SLC9A3: variants seen among roughly 807,000 people sequenced by gnomAD.
SLC9A3 encodes the protein sodium/hydrogen exchanger 3.
SLC9A3 carries 37 observed loss-of-function variants against 86.8 expected under a neutral mutation model. The ratio of observed to expected loss-of-function variants is 0.43; its 90% CI spans 0.33 to 0.56. The LOEUF (loss-of-function observed/expected upper bound fraction) is 0.56. Ranked by LOEUF, SLC9A3 falls within the 20% of genes least tolerant of loss-of-function variation. SLC9A3 has a pLI of 0.06. For missense variants in SLC9A3, 1,011 were observed against 1,171.9 expected (o/e 0.86, Z 2.00); for synonymous variants, 581 against 528.3 (o/e 1.10, Z -1.37).
At chr5:499,676 A>G (rs549738262) in intron 1 of SLC9A3, among the ~76,000 whole-genome samples, 15 of 152,296 alleles carry the variant, frequency 9.8e-5, no homozygotes, top group Non-Finnish European at 2.1e-4. Context: ...CTCTGGTCTG[A>G]CAACCAGTCA....
intron 1 of SLC9A3, among the ~76,000 whole-genome samples, chr5:508,467 G>A (rs553900777): frequency 2.8e-5 from 4 of 145,076 alleles, no homozygotes; most frequent in Admixed American, 6.9e-5. Flanking sequence ...TGGAGATGCC[G>A]CAGGGAGACA....
At chr5:518,694 G>A (rs1733804099) in intron 1 of SLC9A3, among the ~76,000 whole-genome samples, 1 of 152,204 alleles carries the variant, frequency 6.6e-6, no homozygotes, top group African/African-American at 2.4e-5. Context: ...GGCCACGCTG[G>A]GAGAGCTCAG....
rs1300266723 is a variant in SLC9A3 at position 492,060 on chromosome 5, A to T, written c.223T>A (p.Ser75Thr). ...GGAACCACGCTGGTGACCTTGTGGG[A>T]CAGGTGGAACCCTGTGGGGGAAGGG... ...ASLAKIGFHL[S>T]HKVTSVVPES... The change falls in exon 2 of 17, where the codon TCC (serine) becomes ACC (threonine). Residue 75 changes from serine to threonine, a missense_variant. Ser to Thr is a moderately conservative substitution (Grantham distance 58, BLOSUM62 1). This residue lies in a region of SLC9A3 where 565 missense variants were observed against 790.0 expected (regional missense o/e 0.72). Coordinates refer to ENST00000264938, the MANE Select transcript of SLC9A3 (RefSeq NM_004174.4). The T allele has an allele frequency of 1.3e-6, 2 of 1,484,704 alleles. No homozygotes were observed. The highest frequency in any genetic ancestry group is 1.8e-6 in the Non-Finnish European group (2 of 1,105,834). 92.0% of individuals were successfully genotyped at this position (1,484,704 alleles called of 1,614,324 possible). A position where few individuals can be genotyped will look rare whatever the true frequency, so the allele number is the denominator to read the frequency against.
At chr5:482,503 C>T (rs375749781) in intron 7 of SLC9A3, 45 bp downstream of exon 7, 23 of 1,515,312 alleles carry the variant, frequency 1.5e-5, no homozygotes, top group Middle Eastern at 1.9e-4. Context: ...AGGCTCCCCT[C>T]GCGGGCGGGG....
chr5:483,988 G>A (rs1162365061), intron 5 of SLC9A3, among the ~76,000 whole-genome samples: 1 of 152,272 alleles, frequency 6.6e-6, no homozygotes, highest in Non-Finnish European at 1.5e-5. Flanking sequence ...GGGGTTCACG[G>A]GGAACTTGGT....
At chr5:476,753 C>T in intron 11 of SLC9A3, 81 bp from the exon 12 acceptor site, 1 of 1,542,396 alleles carries the variant, frequency 6.5e-7, no homozygotes, top group Non-Finnish European at 8.8e-7. Context: ...CCACGGCGGG[C>T]ATCTGGCCCT....
At chr5:516,401 C>G (rs1236561584) in intron 1 of SLC9A3, among the ~76,000 whole-genome samples, 3 of 152,158 alleles carry the variant, frequency 2.0e-5, no homozygotes, top group Non-Finnish European at 4.4e-5. Context: ...ACGGATGAGA[C>G]CATTCAAGCT....
At chr5:480,078 G>C in intron 9 of SLC9A3, 113 bp from the exon 10 acceptor site, 1 of 1,244,612 alleles carries the variant, frequency 8.0e-7, no homozygotes. Context: ...TGACCCTGTA[G>C]GCGCGTTTAA....
intron 3 of SLC9A3, among the ~76,000 whole-genome samples, chr5:486,425 T>G (rs1739475436): frequency 6.6e-6 from 1 of 152,236 alleles, no homozygotes; most frequent in Non-Finnish European, 1.5e-5. Flanking sequence ...ATTGTCACTG[T>G]GAAGTAGTAA....
intron 2 of SLC9A3, among the ~76,000 whole-genome samples, chr5:489,389 C>T (rs1739621538): frequency 6.6e-6 from 1 of 152,156 alleles, no homozygotes; most frequent in African/African-American, 2.4e-5. Flanking sequence ...GGAGCGGAGC[C>T]CACCACCCCT....
Position 470,971 on chromosome 5 carries a change from A to C in SLC9A3, c.*2408T>G, listed in dbSNP as rs1331117682. 1.3e-5 allele frequency: 2 copies of C among 152,298 alleles called. No individual in the cohort carries two copies. The highest frequency in any genetic ancestry group is 4.8e-5 in the African/African-American group (2 of 41,434). 9.4% of individuals were successfully genotyped at this position (152,298 alleles called of 1,614,324 possible). On this transcript the variant is annotated 3_prime_UTR_variant, in exon 17 of 17. Coordinates refer to ENST00000264938, the MANE Select transcript of SLC9A3 (RefSeq NM_004174.4). ...CAGTGACAGGAACGTGGGGATCCCC[A>C]CTCATGACGAGTCCCTAGCACTCAG...
chr5:498,639 C>T (rs1301195016), intron 1 of SLC9A3, among the ~76,000 whole-genome samples: 2 of 152,104 alleles, frequency 1.3e-5, no homozygotes, highest in Non-Finnish European at 2.9e-5. Flanking sequence ...TGGGGTCAAG[C>T]GACACGCCCA....
intron 1 of SLC9A3, among the ~76,000 whole-genome samples, chr5:494,770 C>T (rs1032139955): frequency 2.6e-5 from 4 of 152,178 alleles, no homozygotes; most frequent in African/African-American, 7.2e-5. Context: ...CTGCTGCTGG[C>T]GACGAGTGCC....
intron 1 of SLC9A3, among the ~76,000 whole-genome samples, chr5:513,538 G>T (rs1433104707): frequency 6.6e-6 from 1 of 152,144 alleles, no homozygotes; most frequent in African/African-American, 2.4e-5. Context: ...GTGCCACTGG[G>T]GTGTGCAGGG....
intron 1 of SLC9A3, among the ~76,000 whole-genome samples, chr5:516,104 G>T (rs577205695): frequency 1.5e-5 from 2 of 136,084 alleles, no homozygotes; most frequent in African/African-American, 5.7e-5. Context: ...TTTTTGCCTC[G>T]GGCACTTCGC....
chr5:488,137 G>T (rs1365354114), intron 3 of SLC9A3, among the ~76,000 whole-genome samples, 179 bp downstream of exon 3: 3 of 152,238 alleles, frequency 2.0e-5, no homozygotes, highest in Non-Finnish European at 2.9e-5. Flanking sequence ...AAGAAGCCTC[G>T]CGAAAGCTGC....
chr5:482,565 A>C lies in SLC9A3; in HGVS notation c.1339T>G (p.Phe447Val). ...FVSTTIIVVF[F>V]TVIFQGLTIK... ...GGCCTCACCTGGAAGATGACGGTGA[A>C]GAACACTACGATGATGGTGGTGCTG... is the stretch of plus-strand genomic sequence containing the variant. Residue 447 changes from phenylalanine to valine, a missense_variant, in exon 7 of 17, where the codon TTC becomes GTC. By Grantham distance (50) the Phe-to-Val change is conservative. Transcript: ENST00000264938. The C allele has an allele frequency of 2.5e-6, 4 of 1,612,220 alleles. No individual in the cohort carries two copies. The highest frequency in any genetic ancestry group is 3.4e-6 in the Non-Finnish European group (4 of 1,179,338).
At chr5:501,551 C>T (rs1004273936) in intron 1 of SLC9A3, among the ~76,000 whole-genome samples, 19 of 152,202 alleles carry the variant, frequency 1.2e-4, no homozygotes, top group South Asian at 4.1e-4. Context: ...AACACGTGCA[C>T]GCACACAGAG....
In SLC9A3 at chr5:472,944, G is replaced by T; in HGVS notation, c.*435C>A. ...CGCGAGCGGCCAGCCATGGCGCGCG[G>T]ACCCTTCCCGCCGGCGGCGTCACAG... On this transcript the variant is annotated 3_prime_UTR_variant, in exon 17 of 17. Transcript: ENST00000264938. The T allele has an allele frequency of 1.9e-6, 1 of 530,036 alleles. No homozygotes were observed. The highest frequency in any genetic ancestry group is 2.2e-5 in the South Asian group (1 of 46,122). 32.8% of individuals were successfully genotyped at this position (530,036 alleles called of 1,614,324 possible). A position where few individuals can be genotyped will look rare whatever the true frequency, so the allele number is the denominator to read the frequency against.
Sources: gnomAD v4.1 joint callset for allele counts (sites outside exome capture counted in the v4.1 genomes callset) on GRCh38, gnomAD v4.1.1 for gene constraint, gnomAD v4.1.1 regional missense constraint, MANE v1.5 for transcripts, NCBI Gene and HGNC (gene_info 2026-07-23, HGNC 2026-07-21) for gene names.